The following DNAH7 variants were observed in gnomAD, a reference collection of about 807,000 sequenced individuals.
DNAH7 encodes dynein axonemal heavy chain 7.
A neutral mutation model predicts 444.6 loss-of-function variants in DNAH7; 397 were observed. The observed-to-expected ratio is 0.89, with a 90% CI of 0.82 to 0.97. The LOEUF is 0.97. Ranked by LOEUF, DNAH7 falls within the 50% of genes least tolerant of loss-of-function variation. DNAH7 has a pLI of 0.00. For synonymous variants in DNAH7, 1,636 were observed against 1,624.4 expected (o/e 1.01, Z -0.17); for missense variants, 4,902 against 4,800.8 (o/e 1.02, Z -0.62).
rs1553575647 is a variant in DNAH7 at position 195,950,868 on chromosome 2, A to AAAAAACAAAAC, written c.3078+6392_3078+6393insGTTTTGTTTTT. 1.2e-4 allele frequency among the ~76,000 whole-genome samples: 17 copies of AAAAAACAAAAC among 138,236 alleles called. 1 individual carries two copies. Among genetic ancestry groups the AAAAAACAAAAC allele is most frequent in the African/African-American group, 4.3e-4 (15 of 34,864 alleles). 90.7% of individuals were successfully genotyped at this position (138,236 alleles called of 152,430 possible). The stretch of plus-strand genomic sequence containing the variant: ...CTCTGTCTCAAAAAAAAAAAAAAAA[A>AAAAAACAAAAC]AAAAAAAAAAACCCAGCTCCTGGAT... On this transcript the variant is annotated intron_variant, in intron 19 of 64. Transcript: ENST00000312428.
At chr2:196,014,849 T>A (rs1236928136) in intron 9 of DNAH7, among the ~76,000 whole-genome samples, 2 of 152,184 alleles carry the variant, frequency 1.3e-5, no homozygotes, top group African/African-American at 4.8e-5. Context: ...CTGCACTTGC[T>A]TTTTTCACTG....
chr2:195,738,147 A>AAACAG lies in DNAH7; in HGVS notation c.11869-21_11869-20insCTGTT. 7 of 1,602,994 alleles carry AAACAG rather than the reference A, an allele frequency of 4.4e-6. No individual in the cohort carries two copies. Among genetic ancestry groups the AAACAG allele is most frequent in the Non-Finnish European group, 6.0e-6 (7 of 1,170,674 alleles). On this transcript the variant is annotated intron_variant, in intron 64 of 64. Transcript: ENST00000312428. ...CCACATCTGGAAGAAAGTACATAAC[A>AAACAG]CCTCTTTAAGTCAAGGCTGTTTGTT...
intron 33 of DNAH7, among the ~76,000 whole-genome samples, chr2:195,886,567 A>C (rs954044457): frequency 1.3e-5 from 2 of 152,308 alleles, no homozygotes; most frequent in Non-Finnish European, 2.9e-5. Context: ...ATAAATAAAA[A>C]CACTAAAAAA....
At chr2:195,858,915 G>C (rs1340798061) in intron 42 of DNAH7, 111 bp from the exon 43 acceptor site, 3 of 857,062 alleles carry the variant, frequency 3.5e-6, no homozygotes, top group Non-Finnish European at 5.4e-6. Flanking sequence ...TAACTACGGA[G>C]TGGTCTAAAA....
chr2:195,790,645 A>C (rs1291681763), intron 57 of DNAH7, among the ~76,000 whole-genome samples: 1 of 152,202 alleles, frequency 6.6e-6, no homozygotes, highest in Admixed American at 6.5e-5. Context: ...CATATGCAGA[A>C]GAATGAAACT....
At chr2:196,030,210 G>A (rs1161902278) in intron 5 of DNAH7, among the ~76,000 whole-genome samples, 2 of 152,158 alleles carry the variant, frequency 1.3e-5, no homozygotes, top group African/African-American at 4.8e-5. Context: ...CAGAAAGACA[G>A]AGAAATGAGA....
chr2:195,934,374 T>C (rs1688905913), intron 21 of DNAH7, among the ~76,000 whole-genome samples: 1 of 152,196 alleles, frequency 6.6e-6, no homozygotes, highest in African/African-American at 2.4e-5. Flanking sequence ...CCAAGTGTTT[T>C]GTAGTATGGA....
intron 58 of DNAH7, among the ~76,000 whole-genome samples, chr2:195,780,798 ATATAG>A (rs1357097673): frequency 3.3e-5 from 5 of 151,932 alleles, no homozygotes; most frequent in African/African-American, 7.3e-5. Flanking sequence ...TTATACTAAA[ATATAG>A]TAATCTCTTG....
chr2:195,915,553 G>A (rs1687623381), intron 24 of DNAH7, among the ~76,000 whole-genome samples: 1 of 152,124 alleles, frequency 6.6e-6, no homozygotes, highest in Non-Finnish European at 1.5e-5. Flanking sequence ...AAAGAGTATT[G>A]AGCAGAATCT....
chr2:195,787,336 T>C (rs985131631), intron 57 of DNAH7, among the ~76,000 whole-genome samples, 165 bp from the exon 58 acceptor site: 1 of 152,220 alleles, frequency 6.6e-6, no homozygotes, highest in Non-Finnish European at 1.5e-5. Flanking sequence ...CTACAGCTTT[T>C]CAAGCAAAGT....
chr2:195,993,851 G>A (rs888500649), intron 12 of DNAH7, among the ~76,000 whole-genome samples: 6 of 152,220 alleles, frequency 3.9e-5, no homozygotes, highest in Admixed American at 2.6e-4. Flanking sequence ...TGCTATTAAG[G>A]AAGATCATTG....
intron 58 of DNAH7, among the ~76,000 whole-genome samples, chr2:195,783,143 T>C (rs983540166): frequency 3.3e-5 from 5 of 152,174 alleles, no homozygotes; most frequent in African/African-American, 1.2e-4. Flanking sequence ...AACCAAGGCT[T>C]CTCCCTCTCC....
At chr2:195,996,593 T>C (rs1413913553) in intron 12 of DNAH7, among the ~76,000 whole-genome samples, 1 of 151,994 alleles carries the variant, frequency 6.6e-6, no homozygotes, top group Non-Finnish European at 1.5e-5. Flanking sequence ...GCCCGGCTGA[T>C]TTTTGTAGTT....
Position 195,936,622 on chromosome 2 carries a change from T to C in DNAH7, c.3249A>G (p.Leu1083=), listed in dbSNP as rs765859450. The part of the protein sequence containing the change: ...FLSNDELLEI[L]SETKDPTRVQ... The stretch of plus-strand genomic sequence containing the variant: ...ACCTAGTGGGATCTTTAGTCTCAGA[T>C]AGTATCTCAAGAAGTTCATCATTGG... Residue 1083 remains leucine (L), a synonymous_variant, in exon 20 of 65, where the codon CTA becomes CTG. Transcript: ENST00000312428. 3.8e-6 allele frequency: 6 copies of C among 1,598,502 alleles called. No homozygotes were observed. Among genetic ancestry groups the C allele is most frequent in the Non-Finnish European group, 4.3e-6 (5 of 1,175,698 alleles).
In DNAH7 at chr2:195,957,198, C is replaced by A. The variant is rs551078689; in HGVS notation, c.3078+63G>T. On this transcript the variant is annotated intron_variant, in intron 19 of 64. Coordinates refer to ENST00000312428, the MANE Select transcript of DNAH7 (RefSeq NM_018897.3). ...AAACAATAATGGCTTATATGGATTT[C>A]TGAAAACAAAAATCATGTCACTTCA... 46 of 1,370,992 alleles carry A rather than the reference C, an allele frequency of 3.4e-5. No individual in the cohort carries two copies. The African/African-American group carries it at 6.0e-4, about 18-fold the overall frequency. The allele number at this position is 1,370,992 out of a possible 1,614,324, so 84.9% of individuals were successfully genotyped here.
chr2:195,867,244 G>A (rs1416876612), intron 40 of DNAH7, among the ~76,000 whole-genome samples: 2 of 151,868 alleles, frequency 1.3e-5, no homozygotes, highest in Non-Finnish European at 2.9e-5. Context: ...GCTCACTACT[G>A]TTGGTCCCTG....
intron 19 of DNAH7, among the ~76,000 whole-genome samples, chr2:195,953,724 G>A (rs1019799258): frequency 1.1e-4 from 16 of 152,268 alleles, no homozygotes; most frequent in East Asian, 1.9e-4. Context: ...ACTTCCCAGC[G>A]GCTTTGTTTA....
intron 15 of DNAH7, among the ~76,000 whole-genome samples, chr2:195,982,219 T>C (rs1023493363): frequency 2.0e-5 from 3 of 152,164 alleles, no homozygotes; most frequent in African/African-American, 7.2e-5. Flanking sequence ...CAAACAGGCA[T>C]ATGGAAAGGT....
chr2:195,752,684 G>A (rs1693858455), intron 63 of DNAH7, among the ~76,000 whole-genome samples: 1 of 152,148 alleles, frequency 6.6e-6, no homozygotes, highest in Admixed American at 6.5e-5. Flanking sequence ...TGGCCAATGA[G>A]ATAAGGAAAA....
Sources: allele counts gnomAD v4.1 joint callset (sites outside exome capture counted in the v4.1 genomes callset), GRCh38; gene constraint gnomAD v4.1.1; transcripts MANE v1.5; gene names NCBI Gene and HGNC (gene_info 2026-07-23, HGNC 2026-07-21).